The following NUMB variants were observed in gnomAD, a reference collection of about 807,000 sequenced individuals.
The protein encoded by NUMB is protein numb homolog.
In NUMB, 29 loss-of-function variants were observed where a neutral mutation model predicts 59.7. That is an observed-to-expected ratio of 0.49 (90% confidence interval 0.36 to 0.66). The LOEUF is 0.66. Ranked by LOEUF, NUMB falls within the 30% of genes least tolerant of loss-of-function variation. NUMB has a pLI of 0.00. For synonymous variants in NUMB, 288 were observed against 288.2 expected, an observed-to-expected ratio of 1.00 and a Z score of 0.01; for missense variants, 723 against 822.0, an observed-to-expected ratio of 0.88 and a Z score of 1.47.
intron 6 of NUMB, among the ~76,000 whole-genome samples, chr14:73,306,326 C>G (rs931667449): frequency 6.6e-6 from 1 of 152,134 alleles, no homozygotes; most frequent in Admixed American, 6.5e-5. Flanking sequence ...GAGGGGAGAC[C>G]TAGGGATTAT....
chr14:73,353,072 G>GTTTTTCTTTTTTTTTTTTTGTTTTT, intron 4 of NUMB, among the ~76,000 whole-genome samples: 1 of 58,514 alleles, frequency 1.7e-5, no homozygotes, highest in East Asian at 6.3e-4. Flanking sequence ...AGTTTTTCTT[G>GTTTTTCTTTTTTTTTTTTTGTTTTT]TTTTTTTTTT....
intron 4 of NUMB, among the ~76,000 whole-genome samples, chr14:73,350,729 A>C (rs1443983936): frequency 4.3e-5 from 6 of 138,970 alleles, no homozygotes; most frequent in African/African-American, 2.7e-5. Context: ...GGGTCTCACC[A>C]TGTTGCCCAG....
chr14:73,399,568 A>AAGAAAAAAAAATATGCC (rs1896308553), intron 2 of NUMB, among the ~76,000 whole-genome samples: 1 of 151,400 alleles, frequency 6.6e-6, no homozygotes, highest in African/African-American at 2.4e-5. Context: ...TGTCTCAAAA[A>AAGAAAAAAAAATATGCC]AGAAAAAAAA....
chr14:73,301,518 G>T (rs1890128181), intron 6 of NUMB, among the ~76,000 whole-genome samples: 1 of 152,146 alleles, frequency 6.6e-6, no homozygotes, highest in African/African-American at 2.4e-5. Flanking sequence ...GCTCACTGCA[G>T]CCTTGAACTC....
intron 1 of NUMB, among the ~76,000 whole-genome samples, chr14:73,410,418 T>C (rs1453758647): frequency 1.3e-5 from 2 of 152,098 alleles, no homozygotes; most frequent in African/African-American, 4.8e-5. Flanking sequence ...AAGACCTGGG[T>C]TCCAAACTCA....
intron 6 of NUMB, among the ~76,000 whole-genome samples, chr14:73,315,362 A>C (rs1434839834): frequency 6.6e-6 from 1 of 152,162 alleles, no homozygotes; most frequent in Non-Finnish European, 1.5e-5. Flanking sequence ...AGTCTGAATT[A>C]GTTTTAGCAC....
chr14:73,399,920 T>C (rs1194746444), intron 2 of NUMB, among the ~76,000 whole-genome samples: 1 of 151,848 alleles, frequency 6.6e-6, no homozygotes, highest in Non-Finnish European at 1.5e-5. Flanking sequence ...GCATCTGTAA[T>C]CCCAGCTACT....
At chr14:73,351,434 G>A (rs950414136) in intron 4 of NUMB, among the ~76,000 whole-genome samples, 2 of 152,160 alleles carry the variant, frequency 1.3e-5, no homozygotes, top group South Asian at 2.1e-4. Flanking sequence ...GTTGCAGTGA[G>A]CTGAGATCGC....
At chr14:73,430,241 G>A (rs1283953038) in intron 1 of NUMB, among the ~76,000 whole-genome samples, 3 of 151,594 alleles carry the variant, frequency 2.0e-5, no homozygotes, top group East Asian at 1.9e-4. Context: ...ATAAATACCC[G>A]GGAGTGAAAC....
chr14:73,284,425 G>T (rs957299527), intron 9 of NUMB, 51 bp from the exon 10 acceptor site: 1 of 1,518,898 alleles, frequency 6.6e-7, no homozygotes, highest in South Asian at 1.3e-5. Flanking sequence ...CAAATAATTT[G>T]CGTTTAGAGA....
At chr14:73,429,577 T>C (rs917755939) in intron 1 of NUMB, among the ~76,000 whole-genome samples, 1 of 152,152 alleles carries the variant, frequency 6.6e-6, no homozygotes, top group Non-Finnish European at 1.5e-5. Context: ...CCAGTTGAAG[T>C]GCATGTGCAT....
intron 1 of NUMB, among the ~76,000 whole-genome samples, chr14:73,433,430 A>T (rs975007121): frequency 7.2e-5 from 11 of 152,048 alleles, no homozygotes; most frequent in East Asian, 1.9e-4. Flanking sequence ...TCAAAAAAAA[A>T]TTTTTTTAAA....
At chr14:73,350,074 T>TACACACACACACACACACACACACACAC (rs1172254479) in intron 4 of NUMB, among the ~76,000 whole-genome samples, 13 of 131,056 alleles carry the variant, frequency 9.9e-5, no homozygotes, top group African/African-American at 4.0e-4. Flanking sequence ...CATACATACA[T>TACACACACACACACACACACACACACAC]ACATACACAC....
At chr14:73,434,243 A>G (rs1897953291) in intron 1 of NUMB, among the ~76,000 whole-genome samples, 1 of 152,198 alleles carries the variant, frequency 6.6e-6, no homozygotes. Flanking sequence ...TCTAGGTTTG[A>G]ATCCCAGTTC....
intron 2 of NUMB, among the ~76,000 whole-genome samples, chr14:73,369,661 T>C (rs1894565352): frequency 6.6e-6 from 1 of 152,194 alleles, no homozygotes; most frequent in South Asian, 2.1e-4. Context: ...ACAAATGCAT[T>C]TTATGAGAAA....
At chr14:73,359,771 C>T (rs1452785867) in intron 3 of NUMB, among the ~76,000 whole-genome samples, 2 of 152,164 alleles carry the variant, frequency 1.3e-5, no homozygotes, top group Non-Finnish European at 2.9e-5. Context: ...CTGTTAAAAA[C>T]AGCTCTGCTT....
chr14:73,323,901 T>G (rs1372283195), intron 4 of NUMB, among the ~76,000 whole-genome samples: 2 of 152,210 alleles, frequency 1.3e-5, no homozygotes, highest in Non-Finnish European at 2.9e-5. Context: ...CAGAACACGT[T>G]ACCCCAAAGT....
chr14:73,451,955 G>C (rs565264147), intron 1 of NUMB, among the ~76,000 whole-genome samples: 1 of 152,212 alleles, frequency 6.6e-6, no homozygotes, highest in East Asian at 1.9e-4. Context: ...CTTTGATCTT[G>C]GTTAAAAGAA....
At chr14:73,351,521 GTAAGATA>G (rs1893262864) in intron 4 of NUMB, among the ~76,000 whole-genome samples, 1 of 151,516 alleles carries the variant, frequency 6.6e-6, no homozygotes, top group African/African-American at 2.4e-5. Context: ...AATTAAATAA[GTAAGATA>G]CTTAACACAA....
Sources: gnomAD v4.1 joint callset for allele counts (sites outside exome capture counted in the v4.1 genomes callset) on GRCh38, gnomAD v4.1.1 for gene constraint, MANE v1.5 for transcripts, NCBI Gene and HGNC (gene_info 2026-07-23, HGNC 2026-07-21) for gene names.